Variants in ATP6V0A4 observed in about 807,000 individuals in gnomAD.
ATP6V0A4 encodes ATPase H+ transporting V0 subunit a4.
ATP6V0A4 carries 86 observed loss-of-function variants against 107.3 expected under a neutral mutation model. That is an observed-to-expected ratio of 0.80 (90% CI 0.67 to 0.96). ATP6V0A4 has a LOEUF of 0.96. ATP6V0A4 is among the 40% of genes least tolerant of loss of function. The pLI is 0.00. For missense variants in ATP6V0A4, 908 were observed against 1,045.6 expected (o/e 0.87, Z 1.81); for synonymous variants, 353 against 381.4 (o/e 0.93, Z 0.87).
chr7:138,794,016 G>T (rs1279105598), intron 1 of ATP6V0A4, among the ~76,000 whole-genome samples: 1 of 152,118 alleles, frequency 6.6e-6, no homozygotes, highest in African/African-American at 2.4e-5. Context: ...AGTTCTCAAG[G>T]TTTCCTAAAA....
intron 8 of ATP6V0A4, 28 bp from the exon 9 acceptor site, chr7:138,756,568 A>G: frequency 6.2e-7 from 1 of 1,600,846 alleles, no homozygotes. Flanking sequence ...GTTAAAAAAA[A>G]AGGGGGGGGT....
intron 7 of ATP6V0A4, 108 bp downstream of exon 7, chr7:138,762,232 T>C (rs1052729756): frequency 1.4e-5 from 19 of 1,396,914 alleles, no homozygotes; most frequent in Non-Finnish European, 1.7e-5. Flanking sequence ...TTTGCATCCA[T>C]GGGAAACAGT....
At chr7:138,723,746 G>A (rs1181538418) in intron 18 of ATP6V0A4, among the ~76,000 whole-genome samples, 6 of 151,424 alleles carry the variant, frequency 4.0e-5, no homozygotes, top group Admixed American at 1.3e-4. Flanking sequence ...GGGTGATCTC[G>A]AACTCCTGAC....
Position 138,712,893 on chromosome 7 carries a change from A to T in ATP6V0A4, c.2257+2871T>A, listed in dbSNP as rs1584887354. On this transcript the variant is annotated intron_variant, in intron 20 of 21. Transcript: ENST00000310018. ...GCTGGGGTTAGAGCTGAAGACCAAC[A>T]TTACCACCACTGACTGCACGAAGCG... 2.0e-5 allele frequency among the ~76,000 whole-genome samples: 3 copies of T among 152,104 alleles called. No homozygotes were observed. In the East Asian group the frequency reaches 5.8e-4, roughly 29 times the overall value.
intron 17 of ATP6V0A4, among the ~76,000 whole-genome samples, chr7:138,730,889 T>A (rs1466229027): frequency 6.6e-6 from 1 of 152,012 alleles, no homozygotes; most frequent in Non-Finnish European, 1.5e-5. Context: ...CACTCACTCC[T>A]TATGAAAACC....
Position 138,786,518 on chromosome 7 carries a change from G to T in ATP6V0A4, c.-120-258C>A, listed in dbSNP as rs372463516. ...CGCTTGAGCCAGGGAGGTCGACGCT[G>T]CAGTGAACGAAGATTGCACCACTGC... is the stretch of plus-strand genomic sequence containing the variant. On this transcript the variant is annotated intron_variant, in intron 1 of 21. Coordinates refer to ENST00000310018, the MANE Select transcript of ATP6V0A4 (RefSeq NM_020632.3). Among the ~76,000 whole-genome samples the T allele has an allele frequency of 9.2e-5, 14 of 151,964 alleles. No homozygotes were observed. The East Asian group carries it at 1.4e-3, about 15-fold the overall frequency.
At chr7:138,709,033 A>G (rs1406072740) in intron 21 of ATP6V0A4, among the ~76,000 whole-genome samples, 1 of 151,866 alleles carries the variant, frequency 6.6e-6, no homozygotes, top group Admixed American at 6.6e-5. Flanking sequence ...ACATGGGGAA[A>G]CCCCGTCTCT....
intron 3 of ATP6V0A4, 99 bp from the exon 4 acceptor site, chr7:138,769,350 T>C: frequency 6.6e-7 from 1 of 1,514,020 alleles, no homozygotes; most frequent in Non-Finnish European, 8.8e-7. Flanking sequence ...GTTTTAATCT[T>C]GTCACCCAGA....
intron 20 of ATP6V0A4, among the ~76,000 whole-genome samples, chr7:138,715,319 A>G (rs1803981710): frequency 6.6e-6 from 1 of 152,128 alleles, no homozygotes; most frequent in South Asian, 2.1e-4. Flanking sequence ...CTCCTGCTTC[A>G]GTCTCCGAGT....
intron 5 of ATP6V0A4, among the ~76,000 whole-genome samples, chr7:138,767,086 T>C (rs1807127238): frequency 6.6e-6 from 1 of 152,216 alleles, no homozygotes; most frequent in South Asian, 2.1e-4. Context: ...ATCCTTCTCA[T>C]GAAAGTGTTT....
intron 13 of ATP6V0A4, among the ~76,000 whole-genome samples, chr7:138,745,943 C>CA (rs1185253786): frequency 0.047 from 3,362 of 72,272 alleles, 159 homozygotes; most frequent in Non-Finnish European, 0.067. Flanking sequence ...GACTCTGTCT[C>CA]AAAAAAAAAA....
chr7:138,745,461 T>C (rs1233233968), intron 13 of ATP6V0A4, 181 bp from the exon 14 acceptor site: 2 of 368,854 alleles, frequency 5.4e-6, no homozygotes, highest in Admixed American at 1.3e-4. Flanking sequence ...TTTTGGAACA[T>C]ATAGGTGCAC....
At position 138,717,908 on chromosome 7, in the gene ATP6V0A4, GGAAA is replaced by G. The variant is rs1407053612; in HGVS notation, c.2140-2031_2140-2028del. 1.7e-3 allele frequency among the ~76,000 whole-genome samples: 125 copies of G among 73,020 alleles called. 1 individual carries two copies. The highest frequency in any genetic ancestry group is 2.2e-3 in the African/African-American group (39 of 17,400). The allele number at this position is 73,020 out of a possible 152,430, so 47.9% of individuals were successfully genotyped here. A position where few individuals can be genotyped will look rare whatever the true frequency, so the allele number is the denominator to read the frequency against. Reference sequence around the variant, plus strand: ...GGGCGACACAGTGAGACTCTGTCTCGGAAAAAAAAAAAAAAAAAAAAAGAGTGAG... The same window carrying G: ...GGGCGACACAGTGAGACTCTGTCTCGAAAAAAAAAAAAAAAAAAGAGTGAG... On this transcript the variant is annotated intron_variant, in intron 19 of 21. Transcript: ENST00000310018.
intron 2 of ATP6V0A4, 72 bp from the exon 3 acceptor site, chr7:138,771,336 TA>T: frequency 6.6e-7 from 1 of 1,523,648 alleles, no homozygotes; most frequent in Non-Finnish European, 8.9e-7. Context: ...GTGAAATTTT[TA>T]AGTTAAATTA....
intron 16 of ATP6V0A4, 92 bp from the exon 17 acceptor site, chr7:138,733,185 TTCTA>T (rs1367669173): frequency 5.1e-6 from 8 of 1,563,396 alleles, no homozygotes; most frequent in South Asian, 2.4e-5. Flanking sequence ...GCACAAAATG[TTCTA>T]TCTTTTTTTT....
Position 138,711,559 on chromosome 7 carries a change from G to A in ATP6V0A4, c.2258-1764C>T, listed in dbSNP as rs1365956335. Among the ~76,000 whole-genome samples the A allele has an allele frequency of 3.3e-5, 5 of 152,148 alleles. No homozygotes were observed. The South Asian group carries it at 8.3e-4, about 25-fold the overall frequency. Reference sequence around the variant, plus strand: ...AAGCGGCTATCAGAACATGATAAACGCAGAGACATGGAACGCAAGGAAGAG... The same window carrying A: ...AAGCGGCTATCAGAACATGATAAACACAGAGACATGGAACGCAAGGAAGAG... On this transcript the variant is annotated intron_variant, in intron 20 of 21. Transcript: ENST00000310018.
intron 1 of ATP6V0A4, among the ~76,000 whole-genome samples, chr7:138,797,412 T>C (rs768141712): frequency 6.6e-6 from 1 of 151,780 alleles, no homozygotes; most frequent in Non-Finnish European, 1.5e-5. Context: ...GAGATGGGGT[T>C]TCACCATTTT....
chr7:138,724,025 CAAAA>C (rs202234657), intron 18 of ATP6V0A4, among the ~76,000 whole-genome samples: 89 of 131,730 alleles, frequency 6.8e-4, no homozygotes, highest in African/African-American at 2.0e-3. Flanking sequence ...TCCCATCTCT[CAAAA>C]AAAAAAAAAA....
intron 13 of ATP6V0A4, among the ~76,000 whole-genome samples, chr7:138,746,646 G>T (rs536823362): frequency 1.3e-5 from 2 of 152,208 alleles, no homozygotes; most frequent in South Asian, 4.1e-4. Context: ...TGGGACTACA[G>T]GTGCCCACCA....
Sources: gnomAD v4.1 joint callset for allele counts (sites outside exome capture counted in the v4.1 genomes callset) on GRCh38, gnomAD v4.1.1 for gene constraint, MANE v1.5 for transcripts, NCBI Gene and HGNC (gene_info 2026-07-23, HGNC 2026-07-21) for gene names.